SDK1: variants seen among roughly 807,000 people sequenced by gnomAD.
SDK1 encodes sidekick cell adhesion molecule 1, also known as protein sidekick-1.
A neutral mutation model predicts 245.5 loss-of-function variants in SDK1; 157 were observed. The observed-to-expected ratio is 0.64, with a 90% CI of 0.56 to 0.73. The LOEUF (loss-of-function observed/expected upper bound fraction) is 0.73, where lower values mean the gene tolerates loss of function less well. Among genes scored for constraint, SDK1 ranks in the 30% least tolerant of loss-of-function variants. The pLI, the probability that SDK1 is intolerant of heterozygous loss-of-function variation, is 0.00. For synonymous variants in SDK1, 1,647 were observed against 1,278.5 expected, an observed-to-expected ratio of 1.29 and a Z score of -6.15; for missense variants, 3,583 against 3,002.3, an observed-to-expected ratio of 1.19 and a Z score of -4.52.
intron 1 of SDK1, among the ~76,000 whole-genome samples, chr7:3,404,749 G>A (rs1347704532): frequency 6.6e-6 from 1 of 152,146 alleles, no homozygotes; most frequent in Non-Finnish European, 1.5e-5. Context: ...CAATATGGGA[G>A]GCTTTTAAAT....
chr7:3,925,851 C>T (rs1458149734), intron 5 of SDK1, among the ~76,000 whole-genome samples: 1 of 152,200 alleles, frequency 6.6e-6, no homozygotes, highest in African/African-American at 2.4e-5. Flanking sequence ...CATTGGCACT[C>T]CCCCTTTTCC....
At chr7:3,879,473 C>T (rs961573920) in intron 5 of SDK1, among the ~76,000 whole-genome samples, 1 of 152,168 alleles carries the variant, frequency 6.6e-6, no homozygotes, top group African/African-American at 2.4e-5. Context: ...GAGGCAGAGA[C>T]CGCAGCACCC....
chr7:4,098,178 G>T (rs761221505), intron 22 of SDK1, among the ~76,000 whole-genome samples: 1 of 152,146 alleles, frequency 6.6e-6, no homozygotes, highest in Non-Finnish European at 1.5e-5. Flanking sequence ...TGTCAGATCC[G>T]TTGAGGTCCT....
At chr7:3,942,092 G>A (rs928030596) in intron 5 of SDK1, among the ~76,000 whole-genome samples, 1 of 152,040 alleles carries the variant, frequency 6.6e-6, no homozygotes, top group Non-Finnish European at 1.5e-5. Context: ...ATTTTTAGTG[G>A]AGACGGGGTT....
At chr7:4,164,283 A>G (rs1443327411) in intron 32 of SDK1, among the ~76,000 whole-genome samples, 3 of 152,212 alleles carry the variant, frequency 2.0e-5, no homozygotes, top group Non-Finnish European at 4.4e-5. Flanking sequence ...GCAACTTGCC[A>G]TCGGGTGACT....
intron 5 of SDK1, among the ~76,000 whole-genome samples, chr7:3,933,161 A>C (rs1583583231): frequency 9.0e-6 from 1 of 111,518 alleles, no homozygotes; most frequent in African/African-American, 3.7e-5. Flanking sequence ...GACAGGCTGG[A>C]GTACAGTGGC....
intron 42 of SDK1, among the ~76,000 whole-genome samples, chr7:4,238,609 T>G (rs113268022): frequency 0.013 from 2,000 of 151,110 alleles, 36 homozygotes; most frequent in African/African-American, 0.046. Context: ...GTTGCCATGG[T>G]GCAGTCTAGG....
At chr7:3,940,162 A>G (rs1780303895) in intron 5 of SDK1, among the ~76,000 whole-genome samples, 2 of 150,914 alleles carry the variant, frequency 1.3e-5, no homozygotes, top group African/African-American at 2.4e-5. Context: ...AAACTGACCT[A>G]CAGAACTTCT....
intron 4 of SDK1, among the ~76,000 whole-genome samples, chr7:3,652,013 A>G (rs1245219258): frequency 6.6e-6 from 1 of 152,190 alleles, no homozygotes; most frequent in Non-Finnish European, 1.5e-5. Context: ...TTTGAGGAAG[A>G]AGGATACTGA....
chr7:3,698,455 A>G (rs4723042), intron 4 of SDK1, among the ~76,000 whole-genome samples: 19,177 of 152,094 alleles, frequency 0.13, 1,526 homozygotes, highest in Non-Finnish European at 0.16. Flanking sequence ...GAAGAGGCCT[A>G]GTGGAGAATC....
At chr7:3,929,582 G>T (rs577732287) in intron 5 of SDK1, among the ~76,000 whole-genome samples, 3 of 152,166 alleles carry the variant, frequency 2.0e-5, no homozygotes, top group African/African-American at 2.4e-5. Flanking sequence ...CGGTGGGACT[G>T]TTCTAAACTC....
At chr7:4,020,810 G>A (rs74835104) in intron 17 of SDK1, among the ~76,000 whole-genome samples, 3 of 152,188 alleles carry the variant, frequency 2.0e-5, no homozygotes, top group Non-Finnish European at 4.4e-5. Flanking sequence ...TTCTGAGCCT[G>A]CAGTTTTCAT....
chr7:3,373,249 G>A (rs1340374476), intron 1 of SDK1, among the ~76,000 whole-genome samples: 1 of 152,148 alleles, frequency 6.6e-6, no homozygotes, highest in Non-Finnish European at 1.5e-5. Flanking sequence ...CACCTAACAC[G>A]AATCCTGTCT....
intron 9 of SDK1, among the ~76,000 whole-genome samples, chr7:3,966,943 C>T (rs151094039): frequency 0.01 from 1,577 of 152,274 alleles, 11 homozygotes; most frequent in Non-Finnish European, 0.016. Flanking sequence ...GCCTCAGCCT[C>T]CTGAAGTGCT....
intron 1 of SDK1, among the ~76,000 whole-genome samples, chr7:3,550,719 T>A (rs1370738067): frequency 6.6e-6 from 1 of 152,228 alleles, no homozygotes; most frequent in African/African-American, 2.4e-5. Context: ...TGAAATGCTT[T>A]ATATGATATT....
chr7:4,126,134 G>A (rs1413379064), intron 25 of SDK1, among the ~76,000 whole-genome samples: 1 of 152,212 alleles, frequency 6.6e-6, no homozygotes, highest in Non-Finnish European at 1.5e-5. Flanking sequence ...AGTATGGCGG[G>A]ATCTTCAGTC....
chr7:3,973,148 G>A (rs1782623521), intron 12 of SDK1, among the ~76,000 whole-genome samples: 2 of 152,142 alleles, frequency 1.3e-5, no homozygotes, highest in African/African-American at 4.8e-5. Context: ...TCGTCCCAGG[G>A]TTGCTCTGCC....
At position 4,193,397 on chromosome 7, in the gene SDK1, T is replaced by A. The variant is rs612753; in HGVS notation, c.5099-12482T>A. On this transcript the variant is annotated intron_variant, in intron 35 of 44. Transcript: ENST00000404826. Reference sequence around the variant, plus strand: ...TTATATATATATATATATATATATATAAAGGGGAGTTTATTAAATATTAAG... The same window carrying A: ...TTATATATATATATATATATATATAAAAAGGGGAGTTTATTAAATATTAAG... Among the ~76,000 whole-genome samples, 247 of 64,222 alleles carry A rather than the reference T, an allele frequency of 3.8e-3. 1 individual carries two copies. Among genetic ancestry groups the A allele is most frequent in the East Asian group, 0.024 (62 of 2,604 alleles). 42.1% of individuals were successfully genotyped at this position (64,222 alleles called of 152,430 possible).
intron 4 of SDK1, among the ~76,000 whole-genome samples, chr7:3,646,535 A>T (rs929852614): frequency 6.6e-6 from 1 of 152,124 alleles, no homozygotes; most frequent in African/African-American, 2.4e-5. Flanking sequence ...TAAATTACTT[A>T]CCCCAGGGCC....
Sources: gnomAD v4.1 joint callset for allele counts (sites outside exome capture counted in the v4.1 genomes callset) on GRCh38, gnomAD v4.1.1 for gene constraint, MANE v1.5 for transcripts, NCBI Gene and HGNC (gene_info 2026-07-23, HGNC 2026-07-21) for gene names.